The following BSCL2 variants were observed in gnomAD, a reference collection of about 807,000 sequenced individuals.
BSCL2 encodes the protein BSCL2 lipid droplet biogenesis associated, seipin, also known as seipin.
In BSCL2, 41 loss-of-function variants were observed where a neutral mutation model predicts 57.4. The ratio of observed to expected loss-of-function variants is 0.71; its 90% CI spans 0.56 to 0.93. The LOEUF (loss-of-function observed/expected upper bound fraction) is 0.93. BSCL2 is among the 40% of genes least tolerant of loss of function. The pLI is 0.00. For missense variants in BSCL2, 539 were observed against 586.7 expected, an observed-to-expected ratio of 0.92 and a Z score of 0.84; for synonymous variants, 237 against 227.3, an observed-to-expected ratio of 1.04 and a Z score of -0.38.
intron 3 of BSCL2, 123 bp downstream of exon 3, chr11:62,702,345 C>A: frequency 2.3e-6 from 2 of 858,190 alleles, no homozygotes; most frequent in Non-Finnish European, 3.7e-6. Context: ...GGATTACAGG[C>A]GTGAGCCACC....
upstream of BSCL2, chr11:62,707,972 G>A (rs1326740814): frequency 6.4e-5 from 24 of 375,710 alleles, no homozygotes; most frequent in Non-Finnish European, 1.2e-4. Flanking sequence ...CAGGGGTGAT[G>A]TGCCCTCCTC....
intron 3 of BSCL2, among the ~76,000 whole-genome samples, chr11:62,697,241 A>G (rs996726657): frequency 5.3e-5 from 8 of 150,836 alleles, no homozygotes; most frequent in Non-Finnish European, 1.2e-4. Context: ...GAAAATACAA[A>G]AAAATTAGCC....
intron 1 of BSCL2, chr11:62,706,398 G>GCGGGA (rs1432516006): frequency 1.5e-5 from 11 of 737,510 alleles, no homozygotes; most frequent in East Asian, 1.6e-4. Context: ...GCGGGGCGGG[G>GCGGGA]CGGGACGGGG....
chr11:62,694,485 C>G, intron 4 of BSCL2, 83 bp downstream of exon 4: 1 of 1,600,768 alleles, frequency 6.2e-7, no homozygotes, highest in Admixed American at 1.7e-5. Flanking sequence ...GATTATAGGC[C>G]TGAGCCACCA....
At chr11:62,693,147 G>A (rs916507339) in intron 4 of BSCL2, among the ~76,000 whole-genome samples, 1 of 152,118 alleles carries the variant, frequency 6.6e-6, no homozygotes, top group African/African-American at 2.4e-5. Context: ...CCCCCATCAT[G>A]TAGACATCAG....
chr11:62,705,816 C>T (rs535931416), intron 1 of BSCL2, 199 bp from the exon 2 acceptor site: 2 of 607,188 alleles, frequency 3.3e-6, no homozygotes, highest in South Asian at 4.6e-5. Flanking sequence ...CCCTCCCGCC[C>T]AGTGCTAAAT....
intron 3 of BSCL2, among the ~76,000 whole-genome samples, chr11:62,696,281 TGTGTGTGTGTGTGTGTGTGTG>T (rs1565147187): frequency 1.8e-4 from 26 of 145,154 alleles, no homozygotes; most frequent in Admixed American, 6.9e-4. Flanking sequence ...AAACTTTTTG[TGTGTGTGTGTGTGTGTGTGTG>T]TGTGTGTGTG....
Position 62,707,091 on chromosome 11 carries a change from C to CTGCTGG in BSCL2, c.87+17_87+18insCCAGCA. The stretch of plus-strand genomic sequence containing the variant: ...TTTCCAGTATATTTCTGCTGACTGT[C>CTGCTGG]CCCACAAGGGCCCCTACCTCCTCTT... On this transcript the variant is annotated intron_variant, in intron 1 of 10. Coordinates refer to ENST00000360796, the MANE Select transcript of BSCL2 (RefSeq NM_001122955.4). 6.5e-7 allele frequency: 1 copy of CTGCTGG among 1,549,942 alleles called. No homozygotes were observed. The highest frequency in any genetic ancestry group is 1.4e-5 in the African/African-American group (1 of 73,068).
chr11:62,691,462 C>T, intron 6 of BSCL2, 41 bp from the exon 7 acceptor site: 1 of 1,603,270 alleles, frequency 6.2e-7, no homozygotes, highest in Non-Finnish European at 8.5e-7. Context: ...TAGCAGTTAC[C>T]AGAGAGCACC....
At chr11:62,708,960 CCTAT>C (rs1370241004), upstream of BSCL2, 4 of 677,548 alleles carry the variant, frequency 5.9e-6, no homozygotes, top group African/African-American at 7.2e-5. Flanking sequence ...CCCACCCTCA[CCTAT>C]CTGTCGACCC....
At chr11:62,706,425 T>C (rs1175793919) in intron 1 of BSCL2, 2 of 542,036 alleles carry the variant, frequency 3.7e-6, no homozygotes, top group Non-Finnish European at 5.7e-6. Flanking sequence ...CTTCCCGAGC[T>C]GCGAGGTCGC....
intron 3 of BSCL2, among the ~76,000 whole-genome samples, chr11:62,695,948 GTGTATC>G (rs1945448070): frequency 6.6e-6 from 1 of 151,942 alleles, no homozygotes; most frequent in South Asian, 2.1e-4. Flanking sequence ...GCTGAGACGA[GTGTATC>G]ACAAGGTCAG....
intron 3 of BSCL2, among the ~76,000 whole-genome samples, chr11:62,700,008 G>A (rs922199670): frequency 1.7e-4 from 25 of 149,660 alleles, no homozygotes; most frequent in Admixed American, 4.0e-4. Context: ...GGGAGGCTGA[G>A]TCGGGAGGAC....
rs538100020 is a variant in BSCL2, at chr11:62,695,327, C to A, written c.487-616G>T. On this transcript the variant is annotated intron_variant, in intron 3 of 10. Transcript: ENST00000360796. Reference sequence around the variant, plus strand: ...AGCCCCTTTATTGATTCATATCTGGCAACAAGGCCCTCACACAGTAGTATA... The same window carrying A: ...AGCCCCTTTATTGATTCATATCTGGAAACAAGGCCCTCACACAGTAGTATA... Among the ~76,000 whole-genome samples the A allele has an allele frequency of 3.3e-5, 5 of 151,534 alleles. No homozygotes were observed. The South Asian group carries it at 1.0e-3, about 32-fold the overall frequency.
At chr11:62,709,014 G>A (rs2083588697), upstream of BSCL2, 5 of 561,352 alleles carry the variant, frequency 8.9e-6, no homozygotes, top group Admixed American at 2.9e-5. Context: ...AAGCACCCCA[G>A]AGATATGAGG....
chr11:62,690,414 GT>G lies in BSCL2; in HGVS notation c.1341del (p.Glu447AspfsTer41), dbSNP rs748492948. ...CGCTGTCGGAGAGCACCCCCAGCAG[GT>G]TCAGAGCTGCCCAGAGTCTCTAGGA... Reference protein sequence around the residue: ...APVLETLGSSEPAGGALRQRP... With the variant: ...APVLETLGSSXPAGGALRQRP... On this transcript the variant is annotated frameshift_variant, in exon 11 of 11. Coordinates refer to ENST00000360796, the MANE Select transcript of BSCL2 (RefSeq NM_001122955.4). LOFTEE classifies it high-confidence loss of function. The G allele has an allele frequency of 3.1e-5, 50 of 1,614,152 alleles. No individual in the cohort carries two copies. Among genetic ancestry groups the G allele is most frequent in the Non-Finnish European group, 3.0e-5 (35 of 1,180,024 alleles).
At chr11:62,705,268 G>A (rs375126322) in intron 2 of BSCL2, 33 bp downstream of exon 2, 1 of 1,561,440 alleles carries the variant, frequency 6.4e-7, no homozygotes. Flanking sequence ...ATTCCCATAG[G>A]AGTCCTCTAT....
At chr11:62,699,479 A>G (rs1008050699) in intron 3 of BSCL2, among the ~76,000 whole-genome samples, 10 of 152,180 alleles carry the variant, frequency 6.6e-5, no homozygotes, top group Non-Finnish European at 1.5e-4. Flanking sequence ...TACAGGCGTG[A>G]GCCACTGTGC....
chr11:62,699,754 T>C (rs1590878692), intron 3 of BSCL2, among the ~76,000 whole-genome samples: 1 of 147,304 alleles, frequency 6.8e-6, no homozygotes, highest in Admixed American at 6.8e-5. Context: ...TCTCGGCTCA[T>C]TGCAACCTCC....
Sources: allele counts gnomAD v4.1 joint callset (sites outside exome capture counted in the v4.1 genomes callset), GRCh38; gene constraint gnomAD v4.1.1; transcripts MANE v1.5; gene names NCBI Gene and HGNC (gene_info 2026-07-23, HGNC 2026-07-21).